Variants in RPP30 observed in about 807,000 individuals in gnomAD.
RPP30 encodes the protein ribonuclease P/MRP subunit p30, also known as ribonuclease P protein subunit p30.
RPP30 carries 36 observed loss-of-function variants against 38.6 expected under a neutral mutation model. That is an observed-to-expected ratio of 0.93 (90% CI 0.71 to 1.23). RPP30 has a LOEUF of 1.23. RPP30 is among the 50% of genes most tolerant of loss of function. RPP30 has a pLI of 0.00. For missense variants in RPP30, 321 were observed against 321.7 expected, an observed-to-expected ratio of 1.00 and a Z score of 0.02; for synonymous variants, 126 against 112.7, an observed-to-expected ratio of 1.12 and a Z score of -0.75.
At chr10:90,895,600 G>T in intron 8 of RPP30, 117 bp downstream of exon 8, 1 of 627,666 alleles carries the variant, frequency 1.6e-6, no homozygotes. Flanking sequence ...TATTTTAACT[G>T]CATTTGCTCA....
intron 1 of RPP30, 140 bp downstream of exon 1, chr10:90,872,208 G>A: frequency 4.1e-6 from 3 of 725,688 alleles, no homozygotes; most frequent in Non-Finnish European, 7.4e-6. Context: ...GATGCCCGCC[G>A]AGGTGTTGGT....
chr10:90,896,894 G>T (rs1039214276), intron 10 of RPP30, among the ~76,000 whole-genome samples: 1 of 152,028 alleles, frequency 6.6e-6, no homozygotes, highest in African/African-American at 2.4e-5. Context: ...TGGTCAAGTT[G>T]TGTCCAGACT....
At chr10:90,895,531 CTT>C (rs1475126399) in intron 8 of RPP30, 48 bp downstream of exon 8, 8 of 1,141,212 alleles carry the variant, frequency 7.0e-6, no homozygotes, top group South Asian at 2.8e-5. Context: ...GGTTATAAAA[CTT>C]TTCAGTTTCT....
At chr10:90,885,732 A>G (rs569829536) in intron 5 of RPP30, 80 bp from the exon 6 acceptor site, 2 of 819,224 alleles carry the variant, frequency 2.4e-6, no homozygotes, top group East Asian at 5.0e-5. Context: ...ACCATACTTT[A>G]TATCGAGTTT....
At chr10:90,883,824 T>C (rs973409594) in intron 5 of RPP30, among the ~76,000 whole-genome samples, 10 of 152,214 alleles carry the variant, frequency 6.6e-5, no homozygotes, top group Non-Finnish European at 1.2e-4. Context: ...AGTACAAAGG[T>C]ACTGAAAAGT....
intron 10 of RPP30, among the ~76,000 whole-genome samples, chr10:90,899,081 C>T (rs1369002557): frequency 6.6e-6 from 1 of 152,176 alleles, no homozygotes; most frequent in Non-Finnish European, 1.5e-5. Flanking sequence ...TTTTAAAAGA[C>T]ACTAAAGAAA....
intron 6 of RPP30, among the ~76,000 whole-genome samples, chr10:90,888,724 TCCATTGG>T (rs1847034859): frequency 6.6e-6 from 1 of 152,188 alleles, no homozygotes; most frequent in African/African-American, 2.4e-5. Flanking sequence ...ACCCCCTGAT[TCCATTGG>T]GAAGTTCAGG....
chr10:90,895,291 A>G (rs1847127037), intron 7 of RPP30, 163 bp from the exon 8 acceptor site: 8 of 513,066 alleles, frequency 1.6e-5, no homozygotes, highest in African/African-American at 8.2e-5. Flanking sequence ...TTAGTTTGAC[A>G]TGAAGTCTTT....
chr10:90,908,186 C>T (rs1215675103), downstream of RPP30: 1 of 152,158 alleles, frequency 6.6e-6, no homozygotes, highest in Non-Finnish European at 1.5e-5. Context: ...ATGGGACCAC[C>T]TTTGTATATG....
At chr10:90,879,941 C>A (rs1846901350) in intron 5 of RPP30, 1 of 152,180 alleles carries the variant, frequency 6.6e-6, no homozygotes, top group South Asian at 2.1e-4. Context: ...GGTATAGCTA[C>A]TTTTAGAAAC....
At chr10:90,892,142 G>A (rs544682688) in intron 6 of RPP30, among the ~76,000 whole-genome samples, 1 of 152,236 alleles carries the variant, frequency 6.6e-6, no homozygotes, top group African/African-American at 2.4e-5. Context: ...AAAGAAATGT[G>A]ATCATCCACC....
At chr10:90,903,472 G>A (rs564476514), downstream of RPP30, among the ~76,000 whole-genome samples, 10 of 152,194 alleles carry the variant, frequency 6.6e-5, no homozygotes, top group Admixed American at 1.3e-4. Context: ...TGGAAAACTC[G>A]TGAAATAAAT....
chr10:90,894,422 C>G (rs1158925815), intron 6 of RPP30, among the ~76,000 whole-genome samples: 3 of 152,118 alleles, frequency 2.0e-5, no homozygotes, highest in Non-Finnish European at 4.4e-5. Context: ...ATACAGTTTA[C>G]TGTAAATGTA....
intron 5 of RPP30, among the ~76,000 whole-genome samples, chr10:90,879,465 T>TGGA (rs2120190644): frequency 6.6e-6 from 1 of 152,376 alleles, no homozygotes; most frequent in African/African-American, 2.4e-5. Context: ...CACTTCAGTT[T>TGGA]CTGCCCTTCT....
chr10:90,891,532 A>G (rs1439221439), intron 6 of RPP30, among the ~76,000 whole-genome samples: 4 of 152,194 alleles, frequency 2.6e-5, no homozygotes, highest in Non-Finnish European at 4.4e-5. Context: ...CATTATGCCT[A>G]GCAATCCCAC....
Position 90,874,906 on chromosome 10 carries a change from C to T in RPP30, c.120C>T (p.Asp40=), listed in dbSNP as rs1473952598. ...TTGTTGCTATCAATCATATCGTTGA[C>T]TTTAAGGAAAAGAAACAGGTAAAAT... ...YSVVAINHIV[D]FKEKKQEIEK... The change falls in exon 2 of 11, where the codon GAC becomes GAT. Residue 40 remains aspartate, a synonymous_variant. Coordinates refer to ENST00000371703, the MANE Select transcript of RPP30 (RefSeq NM_006413.5). 1 of 1,587,614 alleles carries T rather than the reference C, an allele frequency of 6.3e-7. No individual in the cohort carries two copies. The highest frequency in any genetic ancestry group is 1.3e-5 in the African/African-American group (1 of 74,184).
chr10:90,892,669 A>G (rs1468667875), intron 6 of RPP30, among the ~76,000 whole-genome samples: 1 of 152,194 alleles, frequency 6.6e-6, no homozygotes, highest in African/African-American at 2.4e-5. Context: ...ATCGTTCCAC[A>G]ACTAGAAGGA....
At chr10:90,873,573 C>CT (rs1387124624) in intron 1 of RPP30, among the ~76,000 whole-genome samples, 1 of 152,192 alleles carries the variant, frequency 6.6e-6, no homozygotes, top group Non-Finnish European at 1.5e-5. Context: ...GTAAGTACTC[C>CT]TAAGCTGCCA....
At chr10:90,900,484 C>A in intron 10 of RPP30, 86 bp from the exon 11 acceptor site, 1 of 1,327,512 alleles carries the variant, frequency 7.5e-7, no homozygotes, top group African/African-American at 1.5e-5. Flanking sequence ...TTTGCTATTG[C>A]TGTAAGCCAA....
Sources: allele counts gnomAD v4.1 joint callset (sites outside exome capture counted in the v4.1 genomes callset), GRCh38; gene constraint gnomAD v4.1.1; transcripts MANE v1.5; gene names NCBI Gene and HGNC (gene_info 2026-07-23, HGNC 2026-07-21).